The following SYN3 variants were observed in gnomAD, a reference collection of about 807,000 sequenced individuals.
SYN3 encodes the protein synapsin-3.
Under a neutral mutation model 65.8 loss-of-function variants are expected in SYN3, and 35 were observed. The ratio of observed to expected loss-of-function variants is 0.53; its 90% confidence interval spans 0.41 to 0.70. The LOEUF (loss-of-function observed/expected upper bound fraction) is 0.70. Among genes scored for constraint, SYN3 ranks in the 30% least tolerant of loss-of-function variants. The pLI is 0.00. For missense variants in SYN3, 680 were observed against 749.0 expected, an observed-to-expected ratio of 0.91 and a Z score of 1.08; for synonymous variants, 270 against 292.9, an observed-to-expected ratio of 0.92 and a Z score of 0.80.
intron 6 of SYN3, among the ~76,000 whole-genome samples, chr22:32,771,413 C>T (rs921381175): frequency 1.3e-5 from 2 of 152,226 alleles, no homozygotes; most frequent in Non-Finnish European, 2.9e-5. Flanking sequence ...TCTTTGGGCC[C>T]CTGTGCACTG....
chr22:32,663,199 G>A lies in SYN3; in HGVS notation c.712-66463C>T, dbSNP rs369366847. 2.7e-3 allele frequency among the ~76,000 whole-genome samples: 408 copies of A among 152,196 alleles called. 1 individual carries two copies. The highest frequency in any genetic ancestry group is 9.1e-3 in the African/African-American group (377 of 41,528). On this transcript the variant is annotated intron_variant, in intron 6 of 13. Transcript: ENST00000358763. Reference sequence around the variant, plus strand: ...TTTCGCTTGGCTCTCATTTTCTCTTGCTGCCGCCATGTAAGACGTGCCTTT... The same window carrying A: ...TTTCGCTTGGCTCTCATTTTCTCTTACTGCCGCCATGTAAGACGTGCCTTT...
At position 32,513,555 on chromosome 22, in the gene SYN3, C is replaced by A; in HGVS notation, c.*137G>T. On this transcript the variant is annotated 3_prime_UTR_variant, in exon 14 of 14. Transcript: ENST00000358763. ...GGGAACAAATATAGATAATCGGTTC[C>A]TGGGTCAAAGGCATTTAGAAAGTAT... 8.5e-7 allele frequency: 1 copy of A among 1,169,944 alleles called. No homozygotes were observed. Among genetic ancestry groups the A allele is most frequent in the South Asian group, 1.6e-5 (1 of 62,292 alleles). The allele number at this position is 1,169,944 out of a possible 1,614,324, so 72.5% of individuals were successfully genotyped here. A position where few individuals can be genotyped will look rare whatever the true frequency, so the allele number is the denominator to read the frequency against.
At chr22:32,591,340 C>T (rs189282425) in intron 7 of SYN3, among the ~76,000 whole-genome samples, 75 of 152,204 alleles carry the variant, frequency 4.9e-4, no homozygotes, top group Non-Finnish European at 8.4e-4. Context: ...TAATGGTTTT[C>T]GAATGTGAGA....
chr22:32,753,169 C>A (rs184418296), intron 6 of SYN3, among the ~76,000 whole-genome samples: 5 of 152,114 alleles, frequency 3.3e-5, no homozygotes, highest in Non-Finnish European at 7.3e-5. Flanking sequence ...CCTTTCCCCC[C>A]AGAAAACCAA....
chr22:33,034,835 G>A (rs982563466), intron 1 of SYN3, among the ~76,000 whole-genome samples: 8 of 152,136 alleles, frequency 5.3e-5, no homozygotes, highest in East Asian at 3.8e-4. Context: ...AGTCTATCTC[G>A]AGATGCAGCC....
At chr22:32,963,657 C>T (rs1458741358) in intron 3 of SYN3, among the ~76,000 whole-genome samples, 1 of 152,054 alleles carries the variant, frequency 6.6e-6, no homozygotes, top group East Asian at 1.9e-4. Context: ...TTTGCCTCCT[C>T]CAATGTCTCT....
chr22:32,829,926 C>T (rs530158523), intron 6 of SYN3, among the ~76,000 whole-genome samples: 2 of 152,346 alleles, frequency 1.3e-5, no homozygotes, highest in Non-Finnish European at 2.9e-5. Flanking sequence ...TTTCCAGTGA[C>T]GCCTCCTCTT....
intron 7 of SYN3, among the ~76,000 whole-genome samples, chr22:32,555,193 G>A (rs2058475906): frequency 6.6e-6 from 1 of 152,164 alleles, no homozygotes; most frequent in East Asian, 1.9e-4. Context: ...CCCTGAGGTT[G>A]ATGCTGAAAC....
intron 4 of SYN3, among the ~76,000 whole-genome samples, chr22:32,918,025 T>TCCCC (rs1369605908): frequency 6.6e-6 from 1 of 152,132 alleles, no homozygotes; most frequent in Non-Finnish European, 1.5e-5. Flanking sequence ...GCAGACCACA[T>TCCCC]CCCCGCCTGG....
At chr22:33,041,621 T>C (rs1199564608) in intron 1 of SYN3, among the ~76,000 whole-genome samples, 1 of 152,146 alleles carries the variant, frequency 6.6e-6, no homozygotes. Flanking sequence ...CTTTCTAACC[T>C]GTGCCAGCTT....
chr22:32,695,798 G>A (rs2060728589), intron 6 of SYN3, among the ~76,000 whole-genome samples: 1 of 152,032 alleles, frequency 6.6e-6, no homozygotes, highest in African/African-American at 2.4e-5. Context: ...AGTCACTACA[G>A]GGAACTTTAC....
intron 7 of SYN3, among the ~76,000 whole-genome samples, chr22:32,582,096 C>A (rs1279238793): frequency 1.3e-5 from 2 of 152,084 alleles, no homozygotes; most frequent in African/African-American, 2.4e-5. Flanking sequence ...CCACACCCGG[C>A]CTGAGAATTG....
intron 6 of SYN3, among the ~76,000 whole-genome samples, chr22:32,729,565 T>G (rs1254319873): frequency 6.6e-6 from 1 of 152,226 alleles, no homozygotes; most frequent in Admixed American, 6.5e-5. Context: ...AGTCACTGTA[T>G]TAGTAAGAGT....
intron 12 of SYN3, among the ~76,000 whole-genome samples, chr22:32,525,457 C>T (rs2057959669): frequency 6.6e-6 from 1 of 152,136 alleles, no homozygotes; most frequent in Non-Finnish European, 1.5e-5. Flanking sequence ...CCTGTAATCC[C>T]AGCACTTTGG....
intron 6 of SYN3, among the ~76,000 whole-genome samples, chr22:32,825,080 T>C (rs910634592): frequency 6.6e-6 from 1 of 152,016 alleles, no homozygotes; most frequent in Non-Finnish European, 1.5e-5. Context: ...CTCAGGCAGA[T>C]AGGATTTCTT....
intron 1 of SYN3, among the ~76,000 whole-genome samples, chr22:33,023,955 A>G (rs1217603353): frequency 6.6e-6 from 1 of 152,132 alleles, no homozygotes; most frequent in African/African-American, 2.4e-5. Context: ...AGAGGTGTCC[A>G]CCTTGGTGAT....
intron 3 of SYN3, among the ~76,000 whole-genome samples, chr22:32,935,009 G>A (rs2050732044): frequency 1.3e-5 from 2 of 152,240 alleles, no homozygotes; most frequent in Admixed American, 1.3e-4. Context: ...GGAGCCTTCA[G>A]AGGGTGTGCA....
At chr22:32,863,047 G>T (rs189425630) in intron 6 of SYN3, 1 of 152,690 alleles carries the variant, frequency 6.5e-6, no homozygotes, top group African/African-American at 2.4e-5. Flanking sequence ...TCACACATCT[G>T]CTGTCTCTTG....
Position 32,532,844 on chromosome 22 carries a change from CAGCACCGCCCATGG to C in SYN3, c.1095+935_1095+948del, listed in dbSNP as rs546224290. Among the ~76,000 whole-genome samples the C allele has an allele frequency of 1.7e-3, 256 of 152,222 alleles. 1 individual carries two copies. Among genetic ancestry groups the C allele is most frequent in the Non-Finnish European group, 3.1e-3 (213 of 68,010 alleles). On this transcript the variant is annotated intron_variant, in intron 10 of 13. Transcript: ENST00000358763. ...TCCCTCACGTGTCCTGGCCTTGTGT[CAGCACCGCCCATGG>C]AAGGAGGGGGCTGGACGCGGCACTG...
Sources: allele counts gnomAD v4.1 joint callset (sites outside exome capture counted in the v4.1 genomes callset), GRCh38; gene constraint gnomAD v4.1.1; transcripts MANE v1.5; gene names NCBI Gene and HGNC (gene_info 2026-07-23, HGNC 2026-07-21).